Variants in CTNNBL1 observed in about 807,000 individuals in gnomAD.
The protein encoded by CTNNBL1 is catenin beta like 1, also known as beta-catenin-like protein 1.
CTNNBL1 carries 31 observed loss-of-function variants against 72.7 expected under a neutral mutation model. The observed-to-expected ratio is 0.43, with a 90% CI of 0.32 to 0.58. CTNNBL1 has a LOEUF of 0.58. CTNNBL1 is among the 20% of genes least tolerant of loss of function. CTNNBL1 has a pLI of 0.08. For synonymous variants in CTNNBL1, 240 were observed against 267.3 expected (o/e 0.90, Z 1.00); for missense variants, 534 against 725.1 (o/e 0.74, Z 3.03).
At chr20:37,739,567 A>G (rs371713424) in intron 3 of CTNNBL1, among the ~76,000 whole-genome samples, 6 of 152,162 alleles carry the variant, frequency 3.9e-5, no homozygotes, top group Admixed American at 1.3e-4. Context: ...ATTGAAGGGT[A>G]TGTACATTTT....
intron 1 of CTNNBL1, among the ~76,000 whole-genome samples, chr20:37,694,578 C>G (rs765856841): frequency 4.6e-5 from 7 of 152,226 alleles, no homozygotes; most frequent in East Asian, 1.9e-4. Context: ...CATTCCCCCC[C>G]TCTTTGAACC....
chr20:37,789,141 A>G (rs1170236381), intron 10 of CTNNBL1, among the ~76,000 whole-genome samples: 1 of 152,192 alleles, frequency 6.6e-6, no homozygotes, highest in African/African-American at 2.4e-5. Flanking sequence ...ATTTGCTCAC[A>G]TTAGTGTCTT....
At chr20:37,805,166 T>C (rs575444876) in intron 11 of CTNNBL1, among the ~76,000 whole-genome samples, 2 of 152,100 alleles carry the variant, frequency 1.3e-5, no homozygotes, top group East Asian at 3.9e-4. Flanking sequence ...TGGGTAAGAC[T>C]GTGCTCTTTG....
At chr20:37,856,833 T>C (rs538092729) in intron 13 of CTNNBL1, among the ~76,000 whole-genome samples, 1 of 152,266 alleles carries the variant, frequency 6.6e-6, no homozygotes, top group Non-Finnish European at 1.5e-5. Context: ...TCCACCGACC[T>C]CTTCAGTGGT....
chr20:37,866,447 G>A (rs148355051), intron 15 of CTNNBL1, among the ~76,000 whole-genome samples: 1 of 152,324 alleles, frequency 6.6e-6, no homozygotes, highest in African/African-American at 2.4e-5. Context: ...CCCTCTCCAA[G>A]CCATAGCTCC....
At position 37,863,817 on chromosome 20, in the gene CTNNBL1, G is replaced by A. The variant is rs1025491091; in HGVS notation, c.1603+3473G>A. ...CATCAGTGTGGAGGTGATATTTAGA[G>A]CCTGGGAATTAAACGCCATTGCTCA... On this transcript the variant is annotated intron_variant, in intron 15 of 15. Coordinates refer to ENST00000361383, the MANE Select transcript of CTNNBL1 (RefSeq NM_030877.5). Among the ~76,000 whole-genome samples the A allele has an allele frequency of 2.6e-5, 4 of 152,156 alleles. No individual in the cohort carries two copies. In the East Asian group the frequency reaches 5.8e-4, roughly 22 times the overall value.
intron 11 of CTNNBL1, among the ~76,000 whole-genome samples, chr20:37,830,305 C>T (rs529714525): frequency 6.6e-6 from 1 of 152,128 alleles, no homozygotes; most frequent in Non-Finnish European, 1.5e-5. Flanking sequence ...TGAATCTTAA[C>T]ACATTGTAGG....
chr20:37,699,362 G>A (rs2072820415), intron 1 of CTNNBL1, among the ~76,000 whole-genome samples: 2 of 152,314 alleles, frequency 1.3e-5, no homozygotes, highest in South Asian at 2.1e-4. Flanking sequence ...TTTCAGACAA[G>A]TTATCACATT....
intron 2 of CTNNBL1, among the ~76,000 whole-genome samples, chr20:37,735,990 C>T (rs976927826): frequency 6.6e-6 from 1 of 152,100 alleles, no homozygotes; most frequent in Non-Finnish European, 1.5e-5. Flanking sequence ...GAAGATAAAA[C>T]GTGTGAAATT....
rs762955846 is a variant in CTNNBL1 at position 37,859,848 on chromosome 20, T to C, written c.1393-51T>C. On this transcript the variant is annotated intron_variant, in intron 13 of 15. Transcript: ENST00000361383. ...ATGGCCAGACTAGGAGTCCATTCTTTCCTCCCATTCACTGTCCAGCTTTTA... is the reference window on the plus strand; with the variant it reads ...ATGGCCAGACTAGGAGTCCATTCTTCCCTCCCATTCACTGTCCAGCTTTTA... The C allele has an allele frequency of 7.5e-6, 12 of 1,594,708 alleles. No homozygotes were observed. In the Admixed American group the frequency reaches 2.0e-4, roughly 27 times the overall value.
chr20:37,787,534 CG>C (rs2073688433), intron 10 of CTNNBL1, among the ~76,000 whole-genome samples: 1 of 151,882 alleles, frequency 6.6e-6, no homozygotes, highest in Non-Finnish European at 1.5e-5. Flanking sequence ...TTAGTAGAGA[CG>C]GGGTTTCACC....
At position 37,856,237 on chromosome 20, in the gene CTNNBL1, C is replaced by T. The variant is rs571856809; in HGVS notation, c.1393-3662C>T. On this transcript the variant is annotated intron_variant, in intron 13 of 15. Coordinates refer to ENST00000361383, the MANE Select transcript of CTNNBL1 (RefSeq NM_030877.5). ...AAAGAGCCTACTAAGCAAAAAAATG[C>T]TGCACAAGGTGCTTCCTAGGGTACA... Among the ~76,000 whole-genome samples, 4 of 149,280 alleles carry T rather than the reference C, an allele frequency of 2.7e-5. No homozygotes were observed. The South Asian group carries it at 8.5e-4, about 32-fold the overall frequency.
chr20:37,699,838 A>G (rs2072824961), intron 1 of CTNNBL1, among the ~76,000 whole-genome samples: 1 of 152,096 alleles, frequency 6.6e-6, no homozygotes, highest in Non-Finnish European at 1.5e-5. Context: ...AATTTTCCCC[A>G]GCTGAGACAT....
intron 5 of CTNNBL1, among the ~76,000 whole-genome samples, chr20:37,761,669 G>C (rs2073418843): frequency 6.6e-6 from 1 of 152,194 alleles, no homozygotes; most frequent in Admixed American, 6.5e-5. Context: ...GAGCTCACAA[G>C]GTATGAGTGT....
intron 1 of CTNNBL1, among the ~76,000 whole-genome samples, chr20:37,710,193 TTC>T (rs2072925116): frequency 1.3e-5 from 2 of 152,256 alleles, no homozygotes; most frequent in African/African-American, 4.8e-5. Context: ...TGTGCCTGAA[TTC>T]TCTCATGACC....
chr20:37,754,139 A>G (rs192225740), intron 4 of CTNNBL1, among the ~76,000 whole-genome samples: 2 of 152,338 alleles, frequency 1.3e-5, no homozygotes, highest in Admixed American at 6.5e-5. Context: ...ATCATCACAT[A>G]CTAGTTAATA....
intron 11 of CTNNBL1, among the ~76,000 whole-genome samples, chr20:37,817,581 A>G (rs1302326897): frequency 6.6e-6 from 1 of 152,184 alleles, no homozygotes; most frequent in Admixed American, 6.5e-5. Context: ...TTGGCATGTT[A>G]ATTACCTTCA....
chr20:37,765,334 T>C (rs898825678), intron 6 of CTNNBL1, 44 bp downstream of exon 6: 27 of 1,275,332 alleles, frequency 2.1e-5, no homozygotes, highest in East Asian at 2.0e-4. Flanking sequence ...GCTTTGTGTT[T>C]GTTTTGGGAC....
At chr20:37,817,177 C>T (rs1600506489) in intron 11 of CTNNBL1, among the ~76,000 whole-genome samples, 2 of 152,146 alleles carry the variant, frequency 1.3e-5, no homozygotes, top group East Asian at 3.8e-4. Context: ...TATTCTTGAT[C>T]CCGGACTTCA....
Sources: gnomAD v4.1 joint callset for allele counts (sites outside exome capture counted in the v4.1 genomes callset) on GRCh38, gnomAD v4.1.1 for gene constraint, MANE v1.5 for transcripts, NCBI Gene and HGNC (gene_info 2026-07-23, HGNC 2026-07-21) for gene names.